The following ARL15 variants were observed in gnomAD, a reference collection of about 807,000 sequenced individuals.
The protein encoded by ARL15 is ADP-ribosylation factor-like protein 15.
In ARL15, 19 loss-of-function variants were observed where a neutral mutation model predicts 25.2. The ratio of observed to expected loss-of-function variants is 0.75; its 90% confidence interval spans 0.53 to 1.10. The LOEUF is 1.10. ARL15 is among the 50% of genes least tolerant of loss of function. The pLI, the probability that ARL15 is intolerant of heterozygous loss-of-function variation, is 0.00. For synonymous variants in ARL15, 94 were observed against 86.8 expected, an observed-to-expected ratio of 1.08 and a Z score of -0.46; for missense variants, 220 against 246.0, an observed-to-expected ratio of 0.89 and a Z score of 0.71.
intron 1 of ARL15, among the ~76,000 whole-genome samples, chr5:54,299,722 T>G (rs1028889798): frequency 6.6e-6 from 1 of 151,186 alleles, no homozygotes; most frequent in African/African-American, 2.4e-5. Context: ...CCCAAGTAGC[T>G]GGGACTATAG....
intron 4 of ARL15, among the ~76,000 whole-genome samples, chr5:54,081,406 C>T (rs1455612990): frequency 6.6e-6 from 1 of 152,098 alleles, no homozygotes; most frequent in Non-Finnish European, 1.5e-5. Flanking sequence ...ACCACCGCTC[C>T]ATCTGAATTT....
chr5:53,946,660 T>C lies in ARL15; in HGVS notation c.463-59947A>G, dbSNP rs1282999972. ...GATTCCTAGGTAAAAAGGGATTGCA[T>C]TGGAGGTGGGAAAGTTAGGTGGCCA... is the stretch of plus-strand genomic sequence containing the variant. On this transcript the variant is annotated intron_variant, in intron 4 of 4. Transcript: ENST00000504924. Among the ~76,000 whole-genome samples the C allele has an allele frequency of 5.3e-5, 8 of 152,026 alleles. No individual in the cohort carries two copies. In the East Asian group the frequency reaches 5.8e-4, roughly 11 times the overall value.
intron 4 of ARL15, among the ~76,000 whole-genome samples, chr5:53,987,270 G>A (rs1424477048): frequency 1.4e-5 from 2 of 146,728 alleles, no homozygotes; most frequent in African/African-American, 5.0e-5. Flanking sequence ...ACTGCTTCCA[G>A]AACTATGTAG....
chr5:54,247,589 A>C (rs2112590349), intron 1 of ARL15, among the ~76,000 whole-genome samples: 1 of 152,244 alleles, frequency 6.6e-6, no homozygotes, highest in East Asian at 1.9e-4. Context: ...AAAAAAAAAA[A>C]AAAAACCCGA....
At chr5:54,215,277 T>C (rs1285449951) in intron 1 of ARL15, among the ~76,000 whole-genome samples, 1 of 152,150 alleles carries the variant, frequency 6.6e-6, no homozygotes, top group African/African-American at 2.4e-5. Flanking sequence ...CAAAATAACT[T>C]TGGAGGCGTA....
intron 4 of ARL15, among the ~76,000 whole-genome samples, chr5:54,066,226 G>A (rs1156447133): frequency 6.6e-6 from 1 of 152,122 alleles, no homozygotes; most frequent in Non-Finnish European, 1.5e-5. Context: ...GAACTAGAAA[G>A]GCCTAAGCCC....
At chr5:53,933,505 C>T (rs1254696367) in intron 4 of ARL15, among the ~76,000 whole-genome samples, 1 of 151,724 alleles carries the variant, frequency 6.6e-6, no homozygotes, top group African/African-American at 2.4e-5. Flanking sequence ...ATTAGCCTGG[C>T]GTGGTGGTGG....
At chr5:54,037,337 C>T (rs1466331035) in intron 4 of ARL15, among the ~76,000 whole-genome samples, 2 of 151,974 alleles carry the variant, frequency 1.3e-5, no homozygotes, top group African/African-American at 2.4e-5. Context: ...ATTTGGAATA[C>T]ATTGAACTTA....
At chr5:54,010,969 C>T (rs973123583) in intron 4 of ARL15, among the ~76,000 whole-genome samples, 6 of 148,314 alleles carry the variant, frequency 4.0e-5, no homozygotes, top group African/African-American at 1.5e-4. Context: ...CACTGCACTC[C>T]AGCCCGGGCG....
chr5:53,957,164 T>C (rs960570669), intron 4 of ARL15, among the ~76,000 whole-genome samples: 2 of 152,022 alleles, frequency 1.3e-5, no homozygotes, highest in African/African-American at 2.4e-5. Context: ...AATCAAATTA[T>C]TGAAAGCCAA....
chr5:54,238,951 A>T (rs2112571090), intron 1 of ARL15, among the ~76,000 whole-genome samples: 1 of 152,324 alleles, frequency 6.6e-6, no homozygotes, highest in South Asian at 2.1e-4. Flanking sequence ...GTAAAATACC[A>T]AGGTGCCACT....
At chr5:54,070,521 G>A (rs1000586031) in intron 4 of ARL15, among the ~76,000 whole-genome samples, 9 of 152,030 alleles carry the variant, frequency 5.9e-5, no homozygotes, top group African/African-American at 1.2e-4. Flanking sequence ...TCCACCTTGG[G>A]CTTCCCAGCC....
At chr5:54,255,826 G>A (rs528089885) in intron 1 of ARL15, among the ~76,000 whole-genome samples, 1 of 152,186 alleles carries the variant, frequency 6.6e-6, no homozygotes, top group South Asian at 2.1e-4. Flanking sequence ...GATTTTTGGG[G>A]TTAACAAATC....
At chr5:54,294,550 A>G (rs757860494) in intron 1 of ARL15, among the ~76,000 whole-genome samples, 8 of 152,218 alleles carry the variant, frequency 5.3e-5, no homozygotes, top group Non-Finnish European at 1.0e-4. Flanking sequence ...TCCCAAAACT[A>G]ACCTGAAATC....
intron 4 of ARL15, among the ~76,000 whole-genome samples, chr5:53,926,459 G>C (rs1242074605): frequency 6.6e-6 from 1 of 152,150 alleles, no homozygotes; most frequent in Admixed American, 6.5e-5. Flanking sequence ...AGACAGGTAA[G>C]AATATCTCTC....
In ARL15 at chr5:54,010,716, T is replaced by A. The variant is rs185910462; in HGVS notation, c.462+102486A>T. Among the ~76,000 whole-genome samples, 257 of 152,132 alleles carry A rather than the reference T, an allele frequency of 1.7e-3. 3 individuals carry two copies. In the East Asian group the frequency reaches 0.034, roughly 20 times the overall value. On this transcript the variant is annotated intron_variant, in intron 4 of 4. Transcript: ENST00000504924. ...CATCAAATCAGTAAAATAAAAAAAA[T>A]TTTAAAAAAATCAGGCCGGGGGCGG...
intron 1 of ARL15, among the ~76,000 whole-genome samples, chr5:54,309,544 G>A (rs1465906488): frequency 6.6e-6 from 1 of 152,184 alleles, no homozygotes; most frequent in Non-Finnish European, 1.5e-5. Context: ...ACTCTGCATG[G>A]CAATAGCGGT....
At chr5:53,955,764 T>G (rs1456274621) in intron 4 of ARL15, among the ~76,000 whole-genome samples, 2 of 152,194 alleles carry the variant, frequency 1.3e-5, no homozygotes, top group Non-Finnish European at 2.9e-5. Context: ...AGTCTGGATT[T>G]CCAGTGTGGG....
At chr5:54,310,197 G>A (rs1272127763) in intron 1 of ARL15, 3 of 464,030 alleles carry the variant, frequency 6.5e-6, no homozygotes, top group Admixed American at 7.5e-5. Flanking sequence ...CGCGACCCTC[G>A]CCCTGCAGCC....
Sources: allele counts gnomAD v4.1 joint callset (sites outside exome capture counted in the v4.1 genomes callset), GRCh38; gene constraint gnomAD v4.1.1; transcripts MANE v1.5; gene names NCBI Gene and HGNC (gene_info 2026-07-23, HGNC 2026-07-21).